The following PPFIA1 variants were observed in gnomAD, a reference collection of about 807,000 sequenced individuals.
PPFIA1 encodes the protein liprin-alpha-1.
In PPFIA1, 25 loss-of-function variants were observed where a neutral mutation model predicts 149.9. The observed-to-expected ratio is 0.17, with a 90% confidence interval of 0.12 to 0.23. The LOEUF (loss-of-function observed/expected upper bound fraction) is 0.23, where lower values mean the gene tolerates loss of function less well. PPFIA1 is among the 10% of genes least tolerant of loss of function. The pLI is 1.00. For missense variants in PPFIA1, 1,362 were observed against 1,506.5 expected, an observed-to-expected ratio of 0.90 and a Z score of 1.59; for synonymous variants, 549 against 552.8, an observed-to-expected ratio of 0.99 and a Z score of 0.10.
At chr11:70,372,597 A>T in intron 23 of PPFIA1, 23 bp downstream of exon 23, 1 of 1,574,352 alleles carries the variant, frequency 6.4e-7, no homozygotes, top group Middle Eastern at 1.9e-4. Flanking sequence ...CATTTAATTG[A>T]TTCGGTTTAC....
intron 23 of PPFIA1, among the ~76,000 whole-genome samples, 177 bp downstream of exon 23, chr11:70,372,751 C>T (rs1000815550): frequency 6.6e-6 from 1 of 152,200 alleles, no homozygotes; most frequent in Non-Finnish European, 1.5e-5. Context: ...TTGAGATTCT[C>T]TTCCACAGCT....
Position 70,340,612 on chromosome 11 carries a change from A to G in PPFIA1, c.1707+1306A>G, listed in dbSNP as rs1051602204. On this transcript the variant is annotated intron_variant, in intron 14 of 27. Coordinates refer to ENST00000253925, the MANE Select transcript of PPFIA1 (RefSeq NM_003626.5). ...CAACAGCTAGTTTGGGCCAGGCCGC[A>G]TTACAGACCTGTAGAGTCCTAGGCC... Among the ~76,000 whole-genome samples the G allele has an allele frequency of 4.6e-5, 7 of 152,170 alleles. 1 individual carries two copies. Among genetic ancestry groups the G allele is most frequent in the Admixed American group, 2.0e-4 (3 of 15,278 alleles).
rs557204537 is a variant in PPFIA1 at position 70,313,532 on chromosome 11, C to T, written c.265-10870C>T. ...GTGGCTTGGATAAAGGAAGCTGGGG[C>T]GAGGAGGTAGAGGAGTGGGCAGTTC... is the stretch of plus-strand genomic sequence containing the variant. On this transcript the variant is annotated intron_variant, in intron 2 of 27. Transcript: ENST00000253925. Among the ~76,000 whole-genome samples, 31 of 151,844 alleles carry T rather than the reference C, an allele frequency of 2.0e-4. No individual in the cohort carries two copies. The South Asian group carries it at 3.8e-3, about 18-fold the overall frequency.
intron 2 of PPFIA1, among the ~76,000 whole-genome samples, chr11:70,285,151 C>A (rs192725801): frequency 6.6e-6 from 1 of 151,978 alleles, no homozygotes; most frequent in Non-Finnish European, 1.5e-5. Context: ...GGATTACAGG[C>A]GCCCGCCACC....
chr11:70,326,309 T>G lies in PPFIA1; in HGVS notation c.654T>G (p.Asp218Glu). 3.1e-6 allele frequency: 5 copies of G among 1,609,988 alleles called. No individual in the cohort carries two copies. The highest frequency in any genetic ancestry group is 4.2e-6 in the Non-Finnish European group (5 of 1,177,472). The change falls in exon 6 of 28, where the codon GAT (aspartate) becomes GAG (glutamate). Residue 218 changes from aspartate to glutamate, a missense_variant. Transcript: ENST00000253925. ...ATAATCAGAAAAAAACTCTAACAGA[T>G]GGAGTGCTGGACATAAACCATGAAC... ...EQNNQKKTLT[D>E]GVLDINHEQE...
chr11:70,301,227 T>C (rs1023228714), intron 2 of PPFIA1, among the ~76,000 whole-genome samples: 4 of 152,152 alleles, frequency 2.6e-5, no homozygotes, highest in Admixed American at 2.6e-4. Context: ...TAACATAAAG[T>C]ATCTACCATG....
chr11:70,380,638 G>C (rs538110517), intron 26 of PPFIA1, among the ~76,000 whole-genome samples: 1 of 151,754 alleles, frequency 6.6e-6, no homozygotes, highest in African/African-American at 2.4e-5. Context: ...AGGAGGCTGA[G>C]GCAGGAGAAT....
At chr11:70,287,502 T>TC (rs1178145089) in intron 2 of PPFIA1, among the ~76,000 whole-genome samples, 2 of 152,006 alleles carry the variant, frequency 1.3e-5, no homozygotes, top group African/African-American at 4.8e-5. Flanking sequence ...GCTAAGTTTT[T>TC]TTTTTTTTAG....
At position 70,324,844 on chromosome 11, in the gene PPFIA1, C is replaced by T. The variant is rs776603836; in HGVS notation, c.367-3C>T. The T allele has an allele frequency of 2.6e-6, 4 of 1,561,310 alleles. No individual in the cohort carries two copies. The highest frequency in any genetic ancestry group is 2.8e-5 in the African/African-American group (2 of 72,368). On this transcript the variant is annotated splice_polypyrimidine_tract_variant and splice_region_variant and intron_variant, in intron 3 of 27. Transcript: ENST00000253925. ...AAGTCTTTATTTTGGCCTTTTATTT[C>T]AGCTGCTGTTAGAGCATTTGGAATG...
intron 2 of PPFIA1, among the ~76,000 whole-genome samples, chr11:70,308,639 T>C (rs2053040427): frequency 6.6e-6 from 1 of 152,130 alleles, no homozygotes; most frequent in Non-Finnish European, 1.5e-5. Context: ...TTTTAAAAAA[T>C]TGATCGCAGA....
intron 2 of PPFIA1, among the ~76,000 whole-genome samples, chr11:70,309,967 G>A (rs1273156611): frequency 6.6e-6 from 1 of 152,154 alleles, no homozygotes; most frequent in Admixed American, 6.5e-5. Context: ...AAAAACCACT[G>A]AATTGTACAC....
At chr11:70,295,566 C>A (rs2051900207) in intron 2 of PPFIA1, among the ~76,000 whole-genome samples, 1 of 145,526 alleles carries the variant, frequency 6.9e-6, no homozygotes, top group African/African-American at 2.6e-5. Flanking sequence ...GGGCTGACCC[C>A]CCCACCTCCC....
chr11:70,322,568 T>C (rs2054006317), intron 2 of PPFIA1, among the ~76,000 whole-genome samples: 1 of 152,166 alleles, frequency 6.6e-6, no homozygotes, highest in African/African-American at 2.4e-5. Flanking sequence ...TTAAGCCACA[T>C]TTGGGTGATC....
chr11:70,298,118 C>T (rs1301892922), intron 2 of PPFIA1, among the ~76,000 whole-genome samples: 1 of 152,206 alleles, frequency 6.6e-6, no homozygotes, highest in East Asian at 1.9e-4. Context: ...GAATGAAAAT[C>T]CAAATCAGAT....
At chr11:70,333,377 G>A in intron 9 of PPFIA1, 93 bp from the exon 10 acceptor site, 1 of 943,406 alleles carries the variant, frequency 1.1e-6, no homozygotes, top group African/African-American at 1.6e-5. Context: ...AGCCCACGCA[G>A]AGCATGTTGT....
At chr11:70,333,649 A>C in intron 10 of PPFIA1, 96 bp downstream of exon 10, 1 of 938,512 alleles carries the variant, frequency 1.1e-6, no homozygotes, top group Non-Finnish European at 1.7e-6. Context: ...CCTGACTGAG[A>C]TGTTGGTCCT....
At chr11:70,295,243 C>G (rs1332006995) in intron 2 of PPFIA1, among the ~76,000 whole-genome samples, 1 of 140,738 alleles carries the variant, frequency 7.1e-6, no homozygotes, top group Non-Finnish European at 1.5e-5. Context: ...CTGACCCCCC[C>G]ACCTCCCTCC....
chr11:70,338,279 G>A (rs2137041529), intron 12 of PPFIA1, 95 bp from the exon 13 acceptor site: 1 of 1,013,294 alleles, frequency 9.9e-7, no homozygotes, highest in Non-Finnish European at 1.5e-6. Flanking sequence ...GATTTAACCT[G>A]TTAGGGTTAT....
At position 70,337,346 on chromosome 11, in the gene PPFIA1, A is replaced by G; in HGVS notation, c.1429-19A>G. ...GGACATTTTAAAGAAACACTAAAGG[A>G]CTATCTGTCTTTTTTCAGAACTCTC... On this transcript the variant is annotated intron_variant, in intron 11 of 27. Transcript: ENST00000253925. 6.5e-7 allele frequency: 1 copy of G among 1,549,862 alleles called. No individual in the cohort carries two copies. Among genetic ancestry groups the G allele is most frequent in the Non-Finnish European group, 8.8e-7 (1 of 1,134,566 alleles).
Sources: gnomAD v4.1 joint callset for allele counts (sites outside exome capture counted in the v4.1 genomes callset) on GRCh38, gnomAD v4.1.1 for gene constraint, MANE v1.5 for transcripts, NCBI Gene and HGNC (gene_info 2026-07-23, HGNC 2026-07-21) for gene names.